SLC7A1: variants seen among roughly 807,000 people sequenced by gnomAD.
The protein encoded by SLC7A1 is solute carrier family 7 member 1, also known as high affinity cationic amino acid transporter 1.
A neutral mutation model predicts 53.9 loss-of-function variants in SLC7A1; 10 were observed. That is an observed-to-expected ratio of 0.19 (90% CI 0.11 to 0.31). The LOEUF (loss-of-function observed/expected upper bound fraction) is 0.31. SLC7A1 is among the 10% of genes least tolerant of loss of function. The pLI is 1.00. For missense variants in SLC7A1, 525 were observed against 827.2 expected (o/e 0.63, Z 4.48); for synonymous variants, 342 against 338.7 (o/e 1.01, Z -0.11).
At chr13:29,516,851 G>A in intron 11 of SLC7A1, 1 of 320,330 alleles carries the variant, frequency 3.1e-6, no homozygotes, top group Non-Finnish European at 5.7e-6. Context: ...TTCAGAAATA[G>A]ATGCCGAATA....
chr13:29,534,784 G>T (rs1486209827), intron 3 of SLC7A1, among the ~76,000 whole-genome samples: 1 of 133,918 alleles, frequency 7.5e-6, no homozygotes, highest in Non-Finnish European at 1.6e-5. Flanking sequence ...CTGTTTTTTC[G>T]CTATTACCAA....
At chr13:29,583,297 T>C (rs1168520601) in intron 1 of SLC7A1, among the ~76,000 whole-genome samples, 2 of 152,216 alleles carry the variant, frequency 1.3e-5, no homozygotes, top group African/African-American at 4.8e-5. Flanking sequence ...CTCATTTGGA[T>C]ATGGGGCAGT....
At chr13:29,557,771 G>A in intron 1 of SLC7A1, among the ~76,000 whole-genome samples, 2 of 96,052 alleles carry the variant, frequency 2.1e-5, no homozygotes, top group South Asian at 4.6e-4. Flanking sequence ...GTGAATATGA[G>A]TGAGGGAGGA....
chr13:29,518,915 G>C lies in SLC7A1; in HGVS notation c.1292+532C>G, dbSNP rs551085548. 1.5e-4 allele frequency among the ~76,000 whole-genome samples: 22 copies of C among 151,708 alleles called. No homozygotes were observed. The East Asian group carries it at 4.3e-3, about 30-fold the overall frequency. On this transcript the variant is annotated intron_variant, in intron 9 of 12. Transcript: ENST00000380752. ...GCTTTACTGTGACTGGGAGAGGCTT[G>C]CCTGGCCCCCACCAGGCTATAACAA...
At chr13:29,554,033 A>G (rs1318353016) in intron 1 of SLC7A1, among the ~76,000 whole-genome samples, 173 bp from the exon 2 acceptor site, 1 of 152,244 alleles carries the variant, frequency 6.6e-6, no homozygotes, top group Non-Finnish European at 1.5e-5. Context: ...ATGGGGCATC[A>G]TCGGGGGAAT....
intron 6 of SLC7A1, 58 bp downstream of exon 6, chr13:29,524,074 T>C (rs1868764995): frequency 1.9e-6 from 3 of 1,566,134 alleles, no homozygotes; most frequent in East Asian, 2.2e-5. Flanking sequence ...ATGGCAAGCA[T>C]TGGCTTGTTT....
intron 9 of SLC7A1, 34 bp downstream of exon 9, chr13:29,519,413 T>C: frequency 1.6e-6 from 2 of 1,287,880 alleles, no homozygotes; most frequent in Non-Finnish European, 2.3e-6. Flanking sequence ...TGCATCTGCA[T>C]TTCTGTCATG....
chr13:29,514,718 G>A (rs945590136), intron 12 of SLC7A1, 135 bp from the exon 13 acceptor site: 6 of 639,326 alleles, frequency 9.4e-6, no homozygotes, highest in Admixed American at 2.6e-5. Context: ...CCCGCAGCCA[G>A]CGGCCCCTGT....
At chr13:29,592,813 C>T (rs888373999) in intron 1 of SLC7A1, among the ~76,000 whole-genome samples, 3 of 152,130 alleles carry the variant, frequency 2.0e-5, no homozygotes, top group African/African-American at 7.2e-5. Flanking sequence ...CACCCGAGGC[C>T]TGGGAAACCT....
Position 29,593,057 on chromosome 13 carries a change from G to C in SLC7A1, c.-115+2359C>G, listed in dbSNP as rs552769167. 9.8e-5 allele frequency among the ~76,000 whole-genome samples: 15 copies of C among 152,290 alleles called. No homozygotes were observed. In the South Asian group the frequency reaches 3.1e-3, roughly 32 times the overall value. On this transcript the variant is annotated intron_variant, in intron 1 of 12. Transcript: ENST00000380752. ...GGGGAAGGAGGCCAGCAGCCTGGACGGGTGGCTGCAACACACAGGCAGGCA... is the reference window on the plus strand; with the variant it reads ...GGGGAAGGAGGCCAGCAGCCTGGACCGGTGGCTGCAACACACAGGCAGGCA...
At position 29,595,662 on chromosome 13, in the gene SLC7A1, T is replaced by A. The variant is rs566497537; in HGVS notation, c.-361A>T. 6.6e-6 allele frequency: 1 copy of A among 150,878 alleles called. No individual in the cohort carries two copies. Among genetic ancestry groups the A allele is most frequent in the South Asian group, 2.0e-4 (1 of 5,068 alleles). 9.3% of individuals were successfully genotyped at this position (150,878 alleles called of 1,614,324 possible). A position where few individuals can be genotyped will look rare whatever the true frequency, so the allele number is the denominator to read the frequency against. On this transcript the variant is annotated 5_prime_UTR_variant, in exon 1 of 13. Coordinates refer to ENST00000380752, the MANE Select transcript of SLC7A1 (RefSeq NM_003045.5). ...GAATGGGCGCCGAGGGCTGGCGGGT[T>A]CCGGCGCCAGGTTTCATCAGCAGTG...
intron 1 of SLC7A1, among the ~76,000 whole-genome samples, chr13:29,588,846 G>T (rs1452118547): frequency 6.6e-6 from 1 of 152,098 alleles, no homozygotes; most frequent in Non-Finnish European, 1.5e-5. Context: ...TCCAAAAACT[G>T]CTGAAAAAGA....
chr13:29,523,377 G>T lies in SLC7A1; in HGVS notation c.938C>A (p.Pro313His). The change falls in exon 7 of 13, where the codon CCC becomes CAC. Residue 313 changes from proline to histidine, a missense_variant. Physicochemically the swap from Pro to His is moderately conservative, Grantham distance 77 (BLOSUM62 -2). Coordinates refer to ENST00000380752, the MANE Select transcript of SLC7A1 (RefSeq NM_003045.5). ...GCTGTTATTGTCCAGGCAGAAGTAG[G>T]GCATCATGAGCGTGAGGGCAGCCGA... ...GVSAALTLMM[P>H]YFCLDNNSPL... The T allele has an allele frequency of 6.2e-7, 1 of 1,613,786 alleles. No individual in the cohort carries two copies. The highest frequency in any genetic ancestry group is 8.5e-7 in the Non-Finnish European group (1 of 1,179,998).
chr13:29,547,288 C>T (rs1182420219), intron 2 of SLC7A1, among the ~76,000 whole-genome samples: 1 of 152,220 alleles, frequency 6.6e-6, no homozygotes, highest in Non-Finnish European at 1.5e-5. Context: ...CAGCCAGCTG[C>T]TAGCCAAGAC....
chr13:29,556,154 C>CT (rs1870430276), intron 1 of SLC7A1, among the ~76,000 whole-genome samples: 1 of 152,146 alleles, frequency 6.6e-6, no homozygotes, highest in South Asian at 2.1e-4. Flanking sequence ...ACAACACGTC[C>CT]AAACTGACTG....
chr13:29,589,500 C>T (rs758990026), intron 1 of SLC7A1, among the ~76,000 whole-genome samples: 3 of 152,258 alleles, frequency 2.0e-5, no homozygotes, highest in South Asian at 2.1e-4. Context: ...ACACTGGCCA[C>T]GTCCCAGCGC....
chr13:29,545,611 T>A (rs887772945), intron 2 of SLC7A1, among the ~76,000 whole-genome samples: 3 of 147,334 alleles, frequency 2.0e-5, no homozygotes, highest in African/African-American at 5.4e-5. Flanking sequence ...TAATTCCTCA[T>A]AATAATATTT....
At chr13:29,540,634 G>A (rs180953108) in intron 2 of SLC7A1, among the ~76,000 whole-genome samples, 1 of 152,344 alleles carries the variant, frequency 6.6e-6, no homozygotes, top group East Asian at 1.9e-4. Flanking sequence ...AAAGCAAGCT[G>A]TTATACGACA....
chr13:29,522,539 A>C, intron 7 of SLC7A1, 83 bp from the exon 8 acceptor site: 6 of 1,502,730 alleles, frequency 4.0e-6, no homozygotes, highest in Non-Finnish European at 4.6e-6. Context: ...TCGGTTTACC[A>C]CGGAGGAGAG....
Sources: gnomAD v4.1 joint callset for allele counts (sites outside exome capture counted in the v4.1 genomes callset) on GRCh38, gnomAD v4.1.1 for gene constraint, MANE v1.5 for transcripts, NCBI Gene and HGNC (gene_info 2026-07-23, HGNC 2026-07-21) for gene names.